Variants in PRRC2A observed in about 807,000 individuals in gnomAD.
PRRC2A encodes the protein proline rich coiled-coil 2A.
A neutral mutation model predicts 224.6 loss-of-function variants in PRRC2A; 59 were observed. That is an observed-to-expected ratio of 0.26 (90% confidence interval 0.21 to 0.33). The LOEUF (loss-of-function observed/expected upper bound fraction) is 0.33. PRRC2A is among the 10% of genes least tolerant of loss of function. The pLI is 1.00. For synonymous variants in PRRC2A, 1,194 were observed against 1,109.5 expected (o/e 1.08, Z -1.51); for missense variants, 3,095 against 2,880.7 (o/e 1.07, Z -1.70).
At position 31,632,054 on chromosome 6, in the gene PRRC2A, C is replaced by A. The variant is rs540716433; in HGVS notation, c.3381C>A (p.Pro1127=). ...CTTCAGACAAGGAGGCTCCCACACC[C>A]AAGGAGGGAACACTCACCCAGGTCC... The part of the protein sequence containing the change: ...LAPSDKEAPT[P]KEGTLTQVPL... Residue 1127 remains proline, a synonymous_variant, in exon 16 of 31, where the codon CCC becomes CCA. Coordinates refer to ENST00000376033, the MANE Select transcript of PRRC2A (RefSeq NM_004638.4). The A allele has an allele frequency of 4.1e-5, 64 of 1,578,678 alleles. 2 individuals carry two copies. In the South Asian group the frequency reaches 7.1e-4, roughly 17 times the overall value.
chr6:31,633,042 GA>G (rs1554128088), intron 16 of PRRC2A, 50 bp downstream of exon 16: 6 of 1,453,914 alleles, frequency 4.1e-6, no homozygotes, highest in Middle Eastern at 3.7e-4. Flanking sequence ...GGAGGAGGGG[GA>G]AAAAGCCTGA....
intron 14 of PRRC2A, 59 bp from the exon 15 acceptor site, chr6:31,630,532 T>C: frequency 6.3e-7 from 1 of 1,580,136 alleles, no homozygotes; most frequent in Non-Finnish European, 8.7e-7. Context: ...AGATGCTTTT[T>C]GGGCTGGAGG....
chr6:31,632,694 C>A lies in PRRC2A; in HGVS notation c.4021C>A (p.Pro1341Thr), dbSNP rs991566897. The A allele has an allele frequency of 1.2e-6, 2 of 1,613,116 alleles. No individual in the cohort carries two copies. The highest frequency in any genetic ancestry group is 1.7e-6 in the Non-Finnish European group (2 of 1,180,032). Residue 1341 changes from proline to threonine, a missense_variant, in exon 16 of 31, where the codon CCC (proline) becomes ACC (threonine). Physicochemically the swap from Pro to Thr is conservative, Grantham distance 38 (BLOSUM62 -1). This residue lies in a region of PRRC2A where 2,001 missense variants were observed against 1,764.9 expected (regional missense o/e 1.13). Transcript: ENST00000376033. ...TGAGCGCCGAGGGGACAAAGAGGCA[C>A]CCCCACCAGTACTGCTGACACCCAA... is the stretch of plus-strand genomic sequence containing the variant. ...TSERRGDKEA[P>T]PPVLLTPKAV... is the part of the protein sequence containing the mutation.
At position 31,637,616 on chromosome 6, in the gene PRRC2A, G is replaced by T; in HGVS notation, c.*30G>T. 1 of 1,108,168 alleles carries T rather than the reference G, an allele frequency of 9.0e-7. No individual in the cohort carries two copies. The highest frequency in any genetic ancestry group is 1.2e-6 in the Non-Finnish European group (1 of 839,588). 68.6% of individuals were successfully genotyped at this position (1,108,168 alleles called of 1,614,324 possible). ...GTTCCTCTTGCCCCCTACCCCCGGG[G>T]CTTGTATATAGATTATAAATATATA... On this transcript the variant is annotated 3_prime_UTR_variant, in exon 31 of 31. Transcript: ENST00000376033.
rs1775868364 is a variant in PRRC2A, at chr6:31,626,016, A to G, written c.840-4A>G. The G allele has an allele frequency of 6.2e-7, 1 of 1,611,548 alleles. No individual in the cohort carries two copies. The highest frequency in any genetic ancestry group is 8.5e-7 in the Non-Finnish European group (1 of 1,179,478). ...CCATATTTCATTTTCTTTTTTGTGT[A>G]CAGCCGTTTTCCCCGTGTGGCGGGC... On this transcript the variant is annotated splice_region_variant and splice_polypyrimidine_tract_variant and intron_variant, in intron 8 of 30. Transcript: ENST00000376033.
At chr6:31,635,349 C>A in intron 22 of PRRC2A, 45 bp from the exon 23 acceptor site, 1 of 1,613,866 alleles carries the variant, frequency 6.2e-7, no homozygotes, top group South Asian at 1.1e-5. Flanking sequence ...ATAGAGGACA[C>A]ATGTCTGTCA....
chr6:31,625,960 G>A lies in PRRC2A; in HGVS notation c.840-60G>A, dbSNP rs1775861607. 6.3e-7 allele frequency: 1 copy of A among 1,599,758 alleles called. No homozygotes were observed. The highest frequency in any genetic ancestry group is 1.3e-5 in the African/African-American group (1 of 74,488). Reference sequence around the variant, plus strand: ...TTTTCTAGCCAGGAGGCTCAGTCTAGGATCAGTCTCGCATGTGGTTATACA... The same window carrying A: ...TTTTCTAGCCAGGAGGCTCAGTCTAAGATCAGTCTCGCATGTGGTTATACA... On this transcript the variant is annotated intron_variant, in intron 8 of 30. Coordinates refer to ENST00000376033, the MANE Select transcript of PRRC2A (RefSeq NM_004638.4). This position sits in a 1 kb window ranked among gnomAD's most constrained non-coding sequence, Gnocchi z 4.1.
At position 31,632,531 on chromosome 6, in the gene PRRC2A, T is replaced by G. The variant is rs1367885564; in HGVS notation, c.3858T>G (p.Pro1286=). 1 of 1,609,838 alleles carries G rather than the reference T, an allele frequency of 6.2e-7. No homozygotes were observed. The highest frequency in any genetic ancestry group is 8.5e-7 in the Non-Finnish European group (1 of 1,177,882). ...SLTLPASAPG[P]EEALTTVTVA... is the part of the protein sequence containing the mutation. ...CCCTTCCAGCCTCCGCTCCTGGACCTGAGGAGGCCCTCACAACAGTCACAG... is the reference window on the plus strand; with the variant it reads ...CCCTTCCAGCCTCCGCTCCTGGACCGGAGGAGGCCCTCACAACAGTCACAG... Residue 1286 remains proline (P), a synonymous_variant, in exon 16 of 31, where the codon CCT becomes CCG. Transcript: ENST00000376033.
At chr6:31,629,493 C>T (rs1776290886) in intron 13 of PRRC2A, 55 bp from the exon 14 acceptor site, 1 of 1,419,692 alleles carries the variant, frequency 7.0e-7, no homozygotes, top group Admixed American at 1.7e-5. Context: ...TTTGCTGATT[C>T]CTTTGTCCAT....
In PRRC2A at chr6:31,630,042, C is replaced by T. The variant is rs1001067598; in HGVS notation, c.2254+197C>T. ...AAGAAATAAGCAGTGGTTGGCCAGG[C>T]ATTGTGGCTCACGCCTGTAATCCCA... On this transcript the variant is annotated intron_variant, in intron 14 of 30. Coordinates refer to ENST00000376033, the MANE Select transcript of PRRC2A (RefSeq NM_004638.4). 3.3e-5 allele frequency among the ~76,000 whole-genome samples: 5 copies of T among 152,322 alleles called. No individual in the cohort carries two copies. In the East Asian group the frequency reaches 9.7e-4, roughly 29 times the overall value.
chr6:31,630,544 C>A (rs765331493), intron 14 of PRRC2A, 47 bp from the exon 15 acceptor site: 3 of 1,600,900 alleles, frequency 1.9e-6, no homozygotes, highest in African/African-American at 2.7e-5. Context: ...GGCTGGAGGG[C>A]TTGTGACATG....
chr6:31,633,192 G>A (rs891389452), intron 16 of PRRC2A, among the ~76,000 whole-genome samples, 187 bp from the exon 17 acceptor site: 2 of 152,200 alleles, frequency 1.3e-5, no homozygotes, highest in African/African-American at 2.4e-5. Context: ...ACCCACCTAT[G>A]TATTCATTGC....
chr6:31,630,277 A>G (rs1341489338), intron 14 of PRRC2A, among the ~76,000 whole-genome samples: 3 of 152,230 alleles, frequency 2.0e-5, no homozygotes, highest in Admixed American at 6.5e-5. Context: ...AGATTGTGCC[A>G]TCGCACTCCA....
intron 21 of PRRC2A, 58 bp downstream of exon 21, chr6:31,635,035 C>G (rs776205112): frequency 2.5e-6 from 4 of 1,597,636 alleles, no homozygotes; most frequent in Non-Finnish European, 3.4e-6. Flanking sequence ...TTGGCCCTAC[C>G]TTTTTCTGCT....
intron 1 of PRRC2A, among the ~76,000 whole-genome samples, chr6:31,621,487 C>T (rs3115665): frequency 1.8e-4 from 27 of 147,476 alleles, no homozygotes; most frequent in African/African-American, 3.5e-4. Context: ...TGTCTACATC[C>T]TTTTTTTTTT....
Position 31,632,664 on chromosome 6 carries a change from A to G in PRRC2A, c.3991A>G (p.Thr1331Ala), listed in dbSNP as rs1352057648. The G allele has an allele frequency of 6.2e-7, 1 of 1,613,050 alleles. No individual in the cohort carries two copies. The highest frequency in any genetic ancestry group is 8.5e-7 in the Non-Finnish European group (1 of 1,180,014). ...WETASESSDFTSERRGDKEAP... is the reference protein window; with the variant it reads ...WETASESSDFASERRGDKEAP... Reference sequence around the variant, plus strand: ...GACTGCATCAGAGAGCAGTGACTTCACCAGTGAGCGCCGAGGGGACAAAGA... The same window carrying G: ...GACTGCATCAGAGAGCAGTGACTTCGCCAGTGAGCGCCGAGGGGACAAAGA... The change falls in exon 16 of 31, where the codon ACC becomes GCC. Residue 1331 changes from threonine to alanine, a missense_variant. This residue lies in a region of PRRC2A where 2,001 missense variants were observed against 1,764.9 expected (regional missense o/e 1.13). Transcript: ENST00000376033.
intron 12 of PRRC2A, 51 bp downstream of exon 12, chr6:31,628,290 T>C (rs781716059): frequency 1.9e-6 from 3 of 1,551,916 alleles, no homozygotes; most frequent in Non-Finnish European, 8.7e-7. Context: ...TGCTTCAAGG[T>C]GCTTAAAGGT....
Position 31,635,448 on chromosome 6 carries a change from A to C in PRRC2A, c.5356A>C (p.Thr1786Pro). Residue 1786 changes from threonine to proline, a missense_variant, in exon 23 of 31, where the codon ACA becomes CCA. Coordinates refer to ENST00000376033, the MANE Select transcript of PRRC2A (RefSeq NM_004638.4). ...CAGCTTGAAAGCAGAGAAGGAGCTA[A>C]CAGCATCAGTCACTGAGGTAAGTGG... ...GDSLKAEKEL[T>P]ASVTEAIPVS... 6.2e-7 allele frequency: 1 copy of C among 1,614,206 alleles called. No homozygotes were observed. The highest frequency in any genetic ancestry group is 1.3e-5 in the African/African-American group (1 of 75,070).
chr6:31,625,761 T>C lies in PRRC2A; in HGVS notation c.760-31T>C, dbSNP rs1431400005. 6.4e-7 allele frequency: 1 copy of C among 1,555,618 alleles called. No homozygotes were observed. Among genetic ancestry groups the C allele is most frequent in the Non-Finnish European group, 8.9e-7 (1 of 1,126,956 alleles). On this transcript the variant is annotated intron_variant, in intron 7 of 30. Transcript: ENST00000376033. The surrounding 1 kb of genome is among the most constrained non-coding windows in gnomAD (Gnocchi z 4.1). ...AGCTAGAAGGGTATATGACTGTCCC[T>C]CTGAGCAGCTACTGTTGGACCCTTT...
Sources: gnomAD v4.1 joint callset for allele counts (sites outside exome capture counted in the v4.1 genomes callset) on GRCh38, gnomAD v4.1.1 for gene constraint, gnomAD v4.1.1 regional missense constraint, Gnocchi (gnomAD v3.1) non-coding constraint, MANE v1.5 for transcripts, NCBI Gene and HGNC (gene_info 2026-07-23, HGNC 2026-07-21) for gene names.